The following ZC3H11A variants were observed in gnomAD, a reference collection of about 807,000 sequenced individuals.
ZC3H11A encodes the protein zinc finger CCCH domain-containing protein 11A.
Under a neutral mutation model 90.8 loss-of-function variants are expected in ZC3H11A, and 22 were observed. The ratio of observed to expected loss-of-function variants is 0.24; its 90% CI spans 0.17 to 0.35. The LOEUF (loss-of-function observed/expected upper bound fraction) is 0.35, where lower values mean the gene tolerates loss of function less well. Among genes scored for constraint, ZC3H11A ranks in the 10% least tolerant of loss-of-function variants. ZC3H11A has a pLI of 1.00. For synonymous variants in ZC3H11A, 294 were observed against 339.8 expected, an observed-to-expected ratio of 0.87 and a Z score of 1.48; for missense variants, 701 against 964.9, an observed-to-expected ratio of 0.73 and a Z score of 3.62.
At chr1:203,797,690 A>G in intron 1 of ZC3H11A, 1 of 1,535,624 alleles carries the variant, frequency 6.5e-7, no homozygotes, top group East Asian at 2.4e-5. Context: ...ATAAAGAGGC[A>G]AAACAGCCTG....
chr1:203,820,933 T>C (rs1015565464), intron 4 of ZC3H11A, among the ~76,000 whole-genome samples: 1 of 152,118 alleles, frequency 6.6e-6, no homozygotes, highest in African/African-American at 2.4e-5. Context: ...TGTGGAGAGG[T>C]ACTTTTAGAC....
chr1:203,798,025 G>A, intron 1 of ZC3H11A: 1 of 1,534,518 alleles, frequency 6.5e-7, no homozygotes. Flanking sequence ...AGCCATCTTG[G>A]TACATCTACT....
chr1:203,800,848 A>C (rs944051263), intron 1 of ZC3H11A: 2 of 156,124 alleles, frequency 1.3e-5, no homozygotes, highest in African/African-American at 4.8e-5. Context: ...AAAAAAGTAC[A>C]CTGGCTGGCA....
chr1:203,796,039 G>A, intron 1 of ZC3H11A: 1 of 16,880 alleles, frequency 5.9e-5, no homozygotes, highest in Admixed American at 4.7e-4. Context: ...CCCCCACCCC[G>A]TTCACCCCAC....
rs374817629 is a variant in ZC3H11A, at chr1:203,849,918, C to T, written c.1831C>T (p.Arg611Trp). Reference sequence around the variant, plus strand: ...AGGAATCACACGGCACCTGACCAAGCGGCTTCCCACAAAGTCATCCCAGAA... The same window carrying T: ...AGGAATCACACGGCACCTGACCAAGTGGCTTCCCACAAAGTCATCCCAGAA... ...VPGITRHLTK[R>W]LPTKSSQKVE... The change falls in exon 15 of 18, where the codon CGG (arginine) becomes TGG (tryptophan). Residue 611 changes from arginine (R) to tryptophan (W), a missense_variant. Arg to Trp is a moderately radical substitution (Grantham distance 101). Coordinates refer to ENST00000367210, the MANE Select transcript of ZC3H11A (RefSeq NM_001376342.1). 28 of 1,613,946 alleles carry T rather than the reference C, an allele frequency of 1.7e-5. No homozygotes were observed. Among genetic ancestry groups the T allele is most frequent in the Admixed American group, 1.5e-4 (9 of 59,998 alleles).
At chr1:203,812,770 TG>T (rs1020611928) in intron 2 of ZC3H11A, among the ~76,000 whole-genome samples, 92 of 151,902 alleles carry the variant, frequency 6.1e-4, no homozygotes, top group African/African-American at 2.1e-3. Flanking sequence ...TTAGTAGAGA[TG>T]GGGTCTCACC....
chr1:203,851,969 A>T (rs1689410707), intron 17 of ZC3H11A, among the ~76,000 whole-genome samples, 172 bp from the exon 18 acceptor site: 1 of 11,334 alleles, frequency 8.8e-5, no homozygotes, highest in Non-Finnish European at 2.0e-4. Context: ...ACTCTGCCTC[A>T]AAAAAAAAAA....
At chr1:203,800,022 A>G in intron 1 of ZC3H11A, 2 of 1,536,078 alleles carry the variant, frequency 1.3e-6, no homozygotes, top group African/African-American at 1.4e-5. Flanking sequence ...CTCATCTCTA[A>G]AAGAAGGCAC....
rs1043525690 is a variant in ZC3H11A, at chr1:203,799,784, A to G, written c.-1587-1791A>G. On this transcript the variant is annotated intron_variant, in intron 1 of 17. Transcript: ENST00000367210. ...CTCTGAAACTTGAAACAGATACCCTACTAAGTGCCATGCTTAAATCCAAGC... is the reference window on the plus strand; with the variant it reads ...CTCTGAAACTTGAAACAGATACCCTGCTAAGTGCCATGCTTAAATCCAAGC... 4.7e-6 allele frequency: 5 copies of G among 1,071,178 alleles called. No homozygotes were observed. The African/African-American group carries it at 4.7e-5, about 10-fold the overall frequency. The allele number at this position is 1,071,178 out of a possible 1,614,324, so 66.4% of individuals were successfully genotyped here. A position where few individuals can be genotyped will look rare whatever the true frequency, so the allele number is the denominator to read the frequency against.
chr1:203,800,276 C>G, intron 1 of ZC3H11A: 1 of 1,025,316 alleles, frequency 9.8e-7, no homozygotes, highest in Non-Finnish European at 1.5e-6. Context: ...CTGAATGTAT[C>G]TTTACTAAAA....
chr1:203,817,711 G>A (rs1024774992), intron 3 of ZC3H11A, among the ~76,000 whole-genome samples: 2 of 151,654 alleles, frequency 1.3e-5, no homozygotes, highest in Non-Finnish European at 2.9e-5. Flanking sequence ...TTCTATAAAC[G>A]TATATGTTAA....
At chr1:203,796,154 C>T in intron 1 of ZC3H11A, 1 of 301,826 alleles carries the variant, frequency 3.3e-6, no homozygotes, top group Non-Finnish European at 6.1e-6. Flanking sequence ...CCGACTGTTC[C>T]CCCGAATCCC....
Position 203,815,418 on chromosome 1 carries a change from C to T in ZC3H11A, c.-145-1508C>T, listed in dbSNP as rs150132130. ...TTTTTTTTAAGAGATGGGGTTTTGC[C>T]ATGTTGTCCAGGCTGGTCTCGAACT... On this transcript the variant is annotated intron_variant, in intron 2 of 17. Transcript: ENST00000367210. Among the ~76,000 whole-genome samples, 977 of 143,786 alleles carry T rather than the reference C, an allele frequency of 6.8e-3. 16 individuals are homozygous for T. Among genetic ancestry groups the T allele is most frequent in the African/African-American group, 0.024 (939 of 38,790 alleles). The allele number at this position is 143,786 out of a possible 152,430, so 94.3% of individuals were successfully genotyped here. A position where few individuals can be genotyped will look rare whatever the true frequency, so the allele number is the denominator to read the frequency against.
intron 4 of ZC3H11A, among the ~76,000 whole-genome samples, chr1:203,819,067 CAA>C (rs747588582): frequency 0.39 from 37,658 of 96,204 alleles, 5,763 homozygotes; most frequent in East Asian, 0.58. Flanking sequence ...CACTCCGTCT[CAA>C]AAAAAAAAAT....
intron 12 of ZC3H11A, among the ~76,000 whole-genome samples, 174 bp from the exon 13 acceptor site, chr1:203,847,010 A>T (rs1468272413): frequency 6.6e-6 from 1 of 152,050 alleles, no homozygotes; most frequent in Non-Finnish European, 1.5e-5. Context: ...GTCTTAAAAA[A>T]AAAAAGAAAA....
chr1:203,836,758 A>G (rs562944519), intron 10 of ZC3H11A, among the ~76,000 whole-genome samples: 15 of 152,328 alleles, frequency 9.8e-5, no homozygotes, highest in Admixed American at 9.1e-4. Flanking sequence ...CCTGGGCGAA[A>G]GAATGAGACT....
At chr1:203,833,491 A>C (rs1683139016) in intron 9 of ZC3H11A, among the ~76,000 whole-genome samples, 1 of 151,922 alleles carries the variant, frequency 6.6e-6, no homozygotes, top group African/African-American at 2.4e-5. Context: ...AGATGGCACC[A>C]CTGCACTCCA....
chr1:203,818,464 TTCTTAC>T (rs1677121253), intron 3 of ZC3H11A, 100 bp from the exon 4 acceptor site: 2 of 1,467,968 alleles, frequency 1.4e-6, no homozygotes, highest in Non-Finnish European at 1.9e-6. Flanking sequence ...TACCAGTCCT[TTCTTAC>T]TCATTTGTGC....
intron 1 of ZC3H11A, chr1:203,799,949 C>T (rs1670025818): frequency 1.3e-6 from 2 of 1,536,008 alleles, no homozygotes; most frequent in Admixed American, 2.0e-5. Flanking sequence ...CACCAGAGAT[C>T]TGCCAAATTC....
Sources: gnomAD v4.1 joint callset for allele counts (sites outside exome capture counted in the v4.1 genomes callset) on GRCh38, gnomAD v4.1.1 for gene constraint, MANE v1.5 for transcripts, NCBI Gene and HGNC (gene_info 2026-07-23, HGNC 2026-07-21) for gene names.